Variants in TDRD3 observed in about 807,000 individuals in gnomAD.
TDRD3 encodes tudor domain containing 3, also known as tudor domain-containing protein 3.
TDRD3 carries 45 observed loss-of-function variants against 86.7 expected under a neutral mutation model. The observed-to-expected ratio is 0.52, with a 90% CI of 0.41 to 0.67. The LOEUF (loss-of-function observed/expected upper bound fraction) is 0.67. Among genes scored for constraint, TDRD3 ranks in the 30% least tolerant of loss-of-function variants. The probability of loss-of-function intolerance (pLI) is 0.00; values close to 1 mark genes in which losing one functional copy is unlikely to be tolerated. For synonymous variants in TDRD3, 298 were observed against 301.7 expected (o/e 0.99, Z 0.13); for missense variants, 814 against 889.0 (o/e 0.92, Z 1.07).
intron 13 of TDRD3, among the ~76,000 whole-genome samples, chr13:60,568,611 A>G (rs1358031220): frequency 1.3e-5 from 2 of 152,208 alleles, no homozygotes. Context: ...GCCATATATG[A>G]CAAACCCACA....
At chr13:60,467,721 C>T (rs1374864870) in intron 5 of TDRD3, among the ~76,000 whole-genome samples, 11 of 152,212 alleles carry the variant, frequency 7.2e-5, no homozygotes, top group African/African-American at 2.7e-4. Context: ...GTATACCTGT[C>T]TTATCTACAG....
chr13:60,542,829 C>A (rs191590948), intron 12 of TDRD3, among the ~76,000 whole-genome samples: 1 of 151,962 alleles, frequency 6.6e-6, no homozygotes, highest in East Asian at 1.9e-4. Flanking sequence ...ATTTCTTTTT[C>A]TTTTTACCTC....
At chr13:60,521,267 G>C (rs6650405) in intron 10 of TDRD3, among the ~76,000 whole-genome samples, 23,029 of 152,050 alleles carry the variant, frequency 0.15, 1,961 homozygotes, top group African/African-American at 0.22. Flanking sequence ...TAAACAGATA[G>C]CAATTTTGAA....
intron 12 of TDRD3, among the ~76,000 whole-genome samples, chr13:60,545,906 TTATC>T (rs757423649): frequency 1.8e-4 from 27 of 152,114 alleles, no homozygotes; most frequent in Non-Finnish European, 2.5e-4. Flanking sequence ...TTTTTTCTCT[TTATC>T]TAAGCTCCTC....
At chr13:60,487,567 T>A (rs969944108) in intron 7 of TDRD3, among the ~76,000 whole-genome samples, 1 of 152,192 alleles carries the variant, frequency 6.6e-6, no homozygotes, top group Non-Finnish European at 1.5e-5. Flanking sequence ...GACTTGAGCA[T>A]GTTTTTGAAA....
chr13:60,467,908 A>G (rs1193039799), intron 5 of TDRD3, among the ~76,000 whole-genome samples: 6 of 151,884 alleles, frequency 4.0e-5, no homozygotes, highest in Non-Finnish European at 8.8e-5. Context: ...GCTTCCAACA[A>G]CCATTTCTGT....
intron 8 of TDRD3, among the ~76,000 whole-genome samples, chr13:60,500,319 G>T (rs775653711): frequency 1.3e-5 from 2 of 152,160 alleles, no homozygotes; most frequent in Non-Finnish European, 2.9e-5. Flanking sequence ...GCTTGAGCAG[G>T]TCCTGAAGGC....
chr13:60,476,154 A>G (rs557250302), intron 5 of TDRD3, among the ~76,000 whole-genome samples: 14 of 152,056 alleles, frequency 9.2e-5, no homozygotes, highest in Admixed American at 3.9e-4. Context: ...GGTTTCTTCT[A>G]GGGTTTTTAT....
intron 1 of TDRD3, among the ~76,000 whole-genome samples, chr13:60,423,372 T>C (rs1279137245): frequency 1.3e-5 from 2 of 152,104 alleles, no homozygotes; most frequent in East Asian, 3.8e-4. Flanking sequence ...CTAGTAATGA[T>C]AGATTTAAGT....
intron 1 of TDRD3, among the ~76,000 whole-genome samples, chr13:60,408,394 C>T (rs1226059362): frequency 6.6e-6 from 1 of 152,130 alleles, no homozygotes; most frequent in Admixed American, 6.5e-5. Flanking sequence ...GGGTAACAGG[C>T]AGAGGTTGGA....
chr13:60,396,291 G>A (rs1953901991), upstream of TDRD3, among the ~76,000 whole-genome samples: 2 of 152,222 alleles, frequency 1.3e-5, no homozygotes, highest in Admixed American at 6.5e-5. Context: ...ACGCCGCAGA[G>A]GTGAAAGACC....
intron 12 of TDRD3, among the ~76,000 whole-genome samples, chr13:60,552,381 C>A (rs1958081319): frequency 6.6e-6 from 1 of 152,260 alleles, no homozygotes; most frequent in African/African-American, 2.4e-5. Context: ...CCATGTCTTA[C>A]ATCCAGGGCA....
chr13:60,447,328 ATCT>A (rs899805237), intron 3 of TDRD3, among the ~76,000 whole-genome samples: 1 of 152,152 alleles, frequency 6.6e-6, no homozygotes, highest in Non-Finnish European at 1.5e-5. Flanking sequence ...CTGGATTTAA[ATCT>A]TCTTTCTCCT....
intron 7 of TDRD3, 32 bp from the exon 8 acceptor site, chr13:60,494,403 A>C: frequency 6.3e-7 from 1 of 1,590,374 alleles, no homozygotes; most frequent in South Asian, 1.2e-5. Context: ...TGCTGTCTAC[A>C]TACCTCTCTT....
At chr13:60,472,824 T>G (rs11842933) in intron 5 of TDRD3, among the ~76,000 whole-genome samples, 6,780 of 152,074 alleles carry the variant, frequency 0.045, 209 homozygotes, top group Non-Finnish European at 0.064. Context: ...GCAAAAATTA[T>G]AGAGAGAGAG....
At chr13:60,534,629 T>C (rs781513900) in intron 11 of TDRD3, among the ~76,000 whole-genome samples, 1 of 151,856 alleles carries the variant, frequency 6.6e-6, no homozygotes, top group Non-Finnish European at 1.5e-5. Flanking sequence ...TTCTGATTAG[T>C]ATATAAGAAT....
At chr13:60,453,555 G>C (rs992647316) in intron 3 of TDRD3, among the ~76,000 whole-genome samples, 2 of 152,144 alleles carry the variant, frequency 1.3e-5, no homozygotes, top group Non-Finnish European at 2.9e-5. Flanking sequence ...AATAGCACTT[G>C]GGAAGTGCAA....
At chr13:60,523,946 C>G (rs1490812517) in intron 10 of TDRD3, among the ~76,000 whole-genome samples, 1 of 151,740 alleles carries the variant, frequency 6.6e-6, no homozygotes, top group African/African-American at 2.4e-5. Context: ...AAATGTTACC[C>G]ATTTCTACTT....
intron 5 of TDRD3, among the ~76,000 whole-genome samples, chr13:60,474,213 G>A (rs1956134469): frequency 1.3e-5 from 2 of 152,196 alleles, no homozygotes; most frequent in Non-Finnish European, 2.9e-5. Context: ...CTGCCAAACA[G>A]GGAAGGGCCC....
Sources: gnomAD v4.1 joint callset for allele counts (sites outside exome capture counted in the v4.1 genomes callset) on GRCh38, gnomAD v4.1.1 for gene constraint, MANE v1.5 for transcripts, NCBI Gene and HGNC (gene_info 2026-07-23, HGNC 2026-07-21) for gene names.